The following RIMS2 variants were observed in gnomAD, a reference collection of about 807,000 sequenced individuals.
The protein encoded by RIMS2 is regulating synaptic membrane exocytosis protein 2.
Under a neutral mutation model 174.4 loss-of-function variants are expected in RIMS2, and 59 were observed. That is an observed-to-expected ratio of 0.34 (90% CI 0.27 to 0.42). The LOEUF (loss-of-function observed/expected upper bound fraction) is 0.42. Ranked by LOEUF, RIMS2 falls within the 10% of genes least tolerant of loss-of-function variation. The pLI is 1.00. For synonymous variants in RIMS2, 606 were observed against 572.5 expected (o/e 1.06, Z -0.84); for missense variants, 1,620 against 1,666.3 (o/e 0.97, Z 0.48).
chr8:103,525,882 A>G (rs940905902), intron 1 of RIMS2, among the ~76,000 whole-genome samples: 3 of 152,204 alleles, frequency 2.0e-5, no homozygotes, highest in African/African-American at 7.2e-5. Flanking sequence ...TCCACTGAGA[A>G]CAACTAGAAA....
intron 3 of RIMS2, among the ~76,000 whole-genome samples, chr8:103,858,847 TC>T (rs369456698): frequency 1.1e-4 from 17 of 151,994 alleles, no homozygotes; most frequent in African/African-American, 3.9e-4. Context: ...CATTTTCTAG[TC>T]TGAGCCATAC....
At chr8:103,556,514 TAA>T (rs1034875386) in intron 1 of RIMS2, among the ~76,000 whole-genome samples, 4 of 152,182 alleles carry the variant, frequency 2.6e-5, no homozygotes, top group African/African-American at 9.6e-5. Flanking sequence ...GAAATTTAAA[TAA>T]GTTAGGTGAC....
chr8:103,765,658 A>G (rs1400584575), intron 2 of RIMS2, among the ~76,000 whole-genome samples: 2 of 152,182 alleles, frequency 1.3e-5, no homozygotes, highest in Admixed American at 1.3e-4. Context: ...AGCCCCCTTA[A>G]GAATATAATT....
chr8:103,536,023 T>C (rs1307915118), intron 1 of RIMS2, among the ~76,000 whole-genome samples: 3 of 152,196 alleles, frequency 2.0e-5, no homozygotes, highest in Admixed American at 6.5e-5. Flanking sequence ...TTGACACAAG[T>C]AGAGACTATA....
chr8:103,922,585 A>G (rs367584633), intron 10 of RIMS2: 13 of 372,930 alleles, frequency 3.5e-5, no homozygotes, highest in East Asian at 3.3e-4. Flanking sequence ...TTTCATGAGT[A>G]TTAAAAAGCT....
chr8:103,615,518 T>C (rs1273033721), intron 1 of RIMS2, among the ~76,000 whole-genome samples: 1 of 151,384 alleles, frequency 6.6e-6, no homozygotes, highest in African/African-American at 2.4e-5. Context: ...AGATGAGAAA[T>C]AACAAAAATT....
intron 19 of RIMS2, among the ~76,000 whole-genome samples, chr8:104,101,737 T>C (rs2097907109): frequency 6.6e-6 from 1 of 152,220 alleles, no homozygotes; most frequent in African/African-American, 2.4e-5. Flanking sequence ...CTACTTCTAT[T>C]TTATTACAAC....
intron 19 of RIMS2, among the ~76,000 whole-genome samples, chr8:104,144,569 T>G (rs1248375133): frequency 6.6e-6 from 1 of 152,102 alleles, no homozygotes; most frequent in Non-Finnish European, 1.5e-5. Context: ...AAAAACAAAA[T>G]AGAAAAAGAT....
intron 19 of RIMS2, among the ~76,000 whole-genome samples, chr8:104,056,555 C>A (rs538556322): frequency 6.6e-6 from 1 of 152,276 alleles, no homozygotes; most frequent in Non-Finnish European, 1.5e-5. Context: ...CAAGTCTTAT[C>A]TCTTTGTATC....
chr8:103,825,843 T>G (rs1321376644), intron 3 of RIMS2, among the ~76,000 whole-genome samples: 1 of 152,162 alleles, frequency 6.6e-6, no homozygotes, highest in African/African-American at 2.4e-5. Context: ...TATCTACAGT[T>G]TTTAAGTATT....
At position 103,956,943 on chromosome 8, in the gene RIMS2, A is replaced by G. The variant is rs142396806; in HGVS notation, c.2702-4122A>G. On this transcript the variant is annotated intron_variant, in intron 14 of 23. Transcript: ENST00000504942. ...AAATGCATCAAAAAGTGGAGGAAGG[A>G]TATAAACAGACACTTATCAAAAGAA... 3.3e-3 allele frequency among the ~76,000 whole-genome samples: 510 copies of G among 152,330 alleles called. 2 individuals carry two copies. Among genetic ancestry groups the G allele is most frequent in the African/African-American group, 0.012 (484 of 41,574 alleles).
intron 1 of RIMS2, among the ~76,000 whole-genome samples, chr8:103,587,443 AGAAAGAAAGAAAGAAAGAAAGAAAG>A (rs1325993045): frequency 2.0e-4 from 25 of 125,024 alleles, no homozygotes; most frequent in African/African-American, 5.7e-4. Context: ...AAAGAAAGAA[AGAAAGAAAGAAAGAAAGAAAGAAAG>A]AAACTATGCA....
chr8:103,861,775 C>T (rs1004630327), intron 3 of RIMS2, among the ~76,000 whole-genome samples: 5 of 151,804 alleles, frequency 3.3e-5, no homozygotes, highest in African/African-American at 1.2e-4. Context: ...TTATATGTTT[C>T]TCTTTGAGGA....
intron 19 of RIMS2, among the ~76,000 whole-genome samples, chr8:104,119,193 A>C (rs573931050): frequency 4.8e-4 from 73 of 151,616 alleles, no homozygotes; most frequent in Admixed American, 1.1e-3. Context: ...TAAAAACAAA[A>C]AAAAAAAAAA....
At chr8:103,662,674 CTATCTA>C (rs1446104317) in intron 1 of RIMS2, among the ~76,000 whole-genome samples, 6 of 40,968 alleles carry the variant, frequency 1.5e-4, no homozygotes, top group Non-Finnish European at 3.3e-4. Flanking sequence ...TCAGAAGAGT[CTATCTA>C]TCTATCTATC....
chr8:103,835,409 G>A (rs1444215055), intron 3 of RIMS2, among the ~76,000 whole-genome samples: 1 of 152,024 alleles, frequency 6.6e-6, no homozygotes, highest in African/African-American at 2.4e-5. Context: ...CCAAGACTGG[G>A]TTTTCTAACA....
rs370654679 is a variant in RIMS2, at chr8:103,636,791, C to A, written c.177-60295C>A. On this transcript the variant is annotated intron_variant, in intron 1 of 23. Transcript: ENST00000504942. The stretch of plus-strand genomic sequence containing the variant: ...TTTTTCTATAACCCACCCCCGCACC[C>A]CCCCCCCCCCACACACACACACATA... Among the ~76,000 whole-genome samples, 144 of 39,674 alleles carry A rather than the reference C, an allele frequency of 3.6e-3. 3 individuals carry two copies. Among genetic ancestry groups the A allele is most frequent in the African/African-American group, 0.02 (133 of 6,770 alleles). 26.0% of individuals were successfully genotyped at this position (39,674 alleles called of 152,430 possible).
chr8:103,791,033 A>G (rs1179530580), intron 3 of RIMS2, among the ~76,000 whole-genome samples: 1 of 152,196 alleles, frequency 6.6e-6, no homozygotes, highest in East Asian at 1.9e-4. Flanking sequence ...CCAACCTAGC[A>G]AGGCAGGCCA....
intron 4 of RIMS2, among the ~76,000 whole-genome samples, chr8:103,894,318 A>G (rs1438182569): frequency 1.3e-5 from 2 of 151,662 alleles, no homozygotes; most frequent in Admixed American, 6.6e-5. Flanking sequence ...AATATCTTCT[A>G]AGGTCAAAGT....
Sources: gnomAD v4.1 joint callset for allele counts (sites outside exome capture counted in the v4.1 genomes callset) on GRCh38, gnomAD v4.1.1 for gene constraint, MANE v1.5 for transcripts, NCBI Gene and HGNC (gene_info 2026-07-23, HGNC 2026-07-21) for gene names.